AGBL4: variants seen among roughly 807,000 people sequenced by gnomAD.
AGBL4 encodes cytosolic carboxypeptidase 6.
A neutral mutation model predicts 66.4 loss-of-function variants in AGBL4; 58 were observed. The ratio of observed to expected loss-of-function variants is 0.87; its 90% CI spans 0.71 to 1.09. The LOEUF (loss-of-function observed/expected upper bound fraction) is 1.09, where lower values mean the gene tolerates loss of function less well. Among genes scored for constraint, AGBL4 ranks in the 50% least tolerant of loss-of-function variants. AGBL4 has a pLI of 0.00. For missense variants in AGBL4, 579 were observed against 631.0 expected (o/e 0.92, Z 0.88); for synonymous variants, 234 against 222.9 (o/e 1.05, Z -0.44).
At chr1:49,774,387 C>G (rs1466956505) in intron 2 of AGBL4, among the ~76,000 whole-genome samples, 1 of 152,188 alleles carries the variant, frequency 6.6e-6, no homozygotes, top group East Asian at 1.9e-4. Context: ...CCATGCTCCA[C>G]AGGGGTTTTG....
At chr1:49,183,157 A>G (rs1165133506) in intron 4 of AGBL4, among the ~76,000 whole-genome samples, 1 of 152,166 alleles carries the variant, frequency 6.6e-6, no homozygotes, top group Non-Finnish European at 1.5e-5. Context: ...CCTTATATTC[A>G]CATTCAATCC....
intron 3 of AGBL4, among the ~76,000 whole-genome samples, chr1:49,352,129 C>A (rs2148521500): frequency 6.6e-6 from 1 of 152,306 alleles, no homozygotes; most frequent in South Asian, 2.1e-4. Flanking sequence ...AAACCACACC[C>A]ATTCCAGGAG....
In AGBL4 at chr1:49,885,641, C is replaced by T. The variant is rs182572863; in HGVS notation, c.35-34123G>A. ...CAATTACCAAATATGTATTGAAGATCTATTTTTGCACCCACCCTGTCTTGT... is the reference window on the plus strand; with the variant it reads ...CAATTACCAAATATGTATTGAAGATTTATTTTTGCACCCACCCTGTCTTGT... On this transcript the variant is annotated intron_variant, in intron 1 of 13. Coordinates refer to ENST00000371839, the MANE Select transcript of AGBL4 (RefSeq NM_032785.4). Among the ~76,000 whole-genome samples, 15 of 152,160 alleles carry T rather than the reference C, an allele frequency of 9.9e-5. No individual in the cohort carries two copies. In the East Asian group the frequency reaches 1.4e-3, roughly 14 times the overall value.
chr1:49,558,406 G>A (rs554841465), intron 3 of AGBL4, among the ~76,000 whole-genome samples: 69 of 152,212 alleles, frequency 4.5e-4, no homozygotes, highest in African/African-American at 1.6e-3. Context: ...GCAGTGGTGC[G>A]ATCTCAGCTC....
intron 5 of AGBL4, among the ~76,000 whole-genome samples, chr1:48,882,900 G>C (rs1373951348): frequency 6.6e-6 from 1 of 152,140 alleles, no homozygotes; most frequent in Non-Finnish European, 1.5e-5. Context: ...ATTTCACTTA[G>C]ATTAATGTCC....
At chr1:49,269,711 C>G (rs1037526284) in intron 3 of AGBL4, among the ~76,000 whole-genome samples, 1 of 152,172 alleles carries the variant, frequency 6.6e-6, no homozygotes, top group Non-Finnish European at 1.5e-5. Flanking sequence ...TCCCATTCTT[C>G]CCATAAGCTC....
intron 6 of AGBL4, among the ~76,000 whole-genome samples, chr1:48,843,408 A>G (rs534068100): frequency 6.6e-6 from 1 of 152,278 alleles, no homozygotes; most frequent in African/African-American, 2.4e-5. Flanking sequence ...ATTAAGTTCA[A>G]AAGATCTTTT....
At chr1:48,599,990 G>T (rs1334469078) in intron 9 of AGBL4, among the ~76,000 whole-genome samples, 1 of 152,130 alleles carries the variant, frequency 6.6e-6, no homozygotes, top group Non-Finnish European at 1.5e-5. Flanking sequence ...AGCTAAAAGA[G>T]AAGGAAAGGA....
At chr1:48,864,002 T>C (rs1021630467) in intron 6 of AGBL4, among the ~76,000 whole-genome samples, 2 of 151,988 alleles carry the variant, frequency 1.3e-5, no homozygotes, top group African/African-American at 4.8e-5. Flanking sequence ...GGAAAAAATT[T>C]AAAAATACAA....
chr1:49,477,599 C>G (rs942546266), intron 3 of AGBL4, among the ~76,000 whole-genome samples: 20 of 152,162 alleles, frequency 1.3e-4, no homozygotes, highest in African/African-American at 4.6e-4. Context: ...CTGAGAATGA[C>G]AGGTACAAAC....
chr1:48,570,546 G>A (rs1005170432), intron 11 of AGBL4, among the ~76,000 whole-genome samples: 10 of 149,134 alleles, frequency 6.7e-5, no homozygotes, highest in Non-Finnish European at 1.0e-4. Flanking sequence ...GTGGGTTAAC[G>A]TTTTTTTTTT....
At chr1:49,551,217 T>C (rs932792894) in intron 3 of AGBL4, among the ~76,000 whole-genome samples, 1 of 152,224 alleles carries the variant, frequency 6.6e-6, no homozygotes, top group African/African-American at 2.4e-5. Context: ...TTTTTTGAAT[T>C]TCCTTGCATT....
intron 11 of AGBL4, among the ~76,000 whole-genome samples, chr1:48,581,582 A>G (rs1173217821): frequency 6.6e-6 from 1 of 152,230 alleles, no homozygotes; most frequent in East Asian, 1.9e-4. Flanking sequence ...TGAACAGAGC[A>G]TATTTATTAC....
intron 5 of AGBL4, among the ~76,000 whole-genome samples, chr1:48,940,663 A>T (rs1308655756): frequency 6.6e-6 from 1 of 152,140 alleles, no homozygotes; most frequent in Non-Finnish European, 1.5e-5. Flanking sequence ...ACCTGGGAAA[A>T]GGTGCTTATG....
intron 5 of AGBL4, among the ~76,000 whole-genome samples, chr1:49,036,485 G>A (rs1226052979): frequency 1.3e-5 from 2 of 152,072 alleles, no homozygotes; most frequent in African/African-American, 4.8e-5. Flanking sequence ...GAATTCTCTG[G>A]GGGTAGGAGA....
intron 1 of AGBL4, among the ~76,000 whole-genome samples, chr1:50,012,754 G>C (rs1049479359): frequency 6.6e-6 from 1 of 152,090 alleles, no homozygotes; most frequent in Non-Finnish European, 1.5e-5. Context: ...GTTTTCAAGG[G>C]TGAGTTGGCA....
intron 6 of AGBL4, among the ~76,000 whole-genome samples, chr1:48,698,480 T>A (rs1417904181): frequency 6.6e-6 from 1 of 152,214 alleles, no homozygotes; most frequent in African/African-American, 2.4e-5. Context: ...CGAGACCAGA[T>A]CAGAACCAAG....
chr1:49,320,224 C>T (rs1386248607), intron 3 of AGBL4, among the ~76,000 whole-genome samples: 1 of 152,018 alleles, frequency 6.6e-6, no homozygotes, highest in Non-Finnish European at 1.5e-5. Flanking sequence ...AGCCACCATG[C>T]CCAGCTGGTA....
chr1:49,311,552 A>T (rs1369727863), intron 3 of AGBL4, among the ~76,000 whole-genome samples: 2 of 152,070 alleles, frequency 1.3e-5, no homozygotes, highest in African/African-American at 4.8e-5. Context: ...CCAAATCCAC[A>T]TAACAAAAAT....
Sources: gnomAD v4.1 joint callset for allele counts (sites outside exome capture counted in the v4.1 genomes callset) on GRCh38, gnomAD v4.1.1 for gene constraint, MANE v1.5 for transcripts, NCBI Gene and HGNC (gene_info 2026-07-23, HGNC 2026-07-21) for gene names.